The following RPGRIP1 variants were observed in gnomAD, a reference collection of about 807,000 sequenced individuals.
RPGRIP1 encodes the protein X-linked retinitis pigmentosa GTPase regulator-interacting protein 1.
Under a neutral mutation model 157.9 loss-of-function variants are expected in RPGRIP1, and 128 were observed. That is an observed-to-expected ratio of 0.81 (90% CI 0.70 to 0.94). The LOEUF (loss-of-function observed/expected upper bound fraction) is 0.94, where lower values mean the gene tolerates loss of function less well. RPGRIP1 is among the 40% of genes least tolerant of loss of function. The pLI, the probability that RPGRIP1 is intolerant of heterozygous loss-of-function variation, is 0.00. For missense variants in RPGRIP1, 1,486 were observed against 1,545.8 expected, an observed-to-expected ratio of 0.96 and a Z score of 0.65; for synonymous variants, 554 against 571.6, an observed-to-expected ratio of 0.97 and a Z score of 0.44.
At chr14:21,316,440 G>A (rs1390377442) in intron 10 of RPGRIP1, among the ~76,000 whole-genome samples, 3 of 151,816 alleles carry the variant, frequency 2.0e-5, no homozygotes, top group South Asian at 2.1e-4. Flanking sequence ...TTCTTGAGAC[G>A]GAATCTCACA....
intron 5 of RPGRIP1, 100 bp from the exon 6 acceptor site, chr14:21,303,231 G>A (rs1881115696): frequency 3.8e-6 from 3 of 788,528 alleles, no homozygotes; most frequent in East Asian, 2.7e-5. Context: ...TCCTCGACAT[G>A]TACCAAGGTT....
At chr14:21,289,190 T>C (rs1317742031) in intron 2 of RPGRIP1, among the ~76,000 whole-genome samples, 1 of 151,894 alleles carries the variant, frequency 6.6e-6, no homozygotes, top group African/African-American at 2.4e-5. Context: ...TAGCTGGGCG[T>C]TGTGGCGGGC....
rs201726404 is a variant in RPGRIP1, at chr14:21,317,814, A to G, written c.1270A>G (p.Lys424Glu). 2.2e-5 allele frequency: 35 copies of G among 1,606,538 alleles called. No homozygotes were observed. Among genetic ancestry groups the G allele is most frequent in the Non-Finnish European group, 2.7e-5 (32 of 1,176,562 alleles). Residue 424 changes from lysine (K) to glutamate (E), a missense_variant, in exon 11 of 25, where the codon AAG becomes GAG. Physicochemically the swap from Lys to Glu is moderately conservative, Grantham distance 56. Coordinates refer to ENST00000400017, the MANE Select transcript of RPGRIP1 (RefSeq NM_020366.4). ...QDQLDAELED[K>E]RKVLLELSRE... is the part of the protein sequence containing the mutation. The stretch of plus-strand genomic sequence containing the variant: ...TCAGCTGGATGCTGAGCTGGAGGAC[A>G]AGAGAAAAGTTTTACTTGAGCTGTC...
chr14:21,288,140 G>C (rs534214133), intron 2 of RPGRIP1, 79 bp downstream of exon 2: 1 of 901,338 alleles, frequency 1.1e-6, no homozygotes, highest in South Asian at 1.4e-5. Flanking sequence ...GGCCTTCACA[G>C]AGACTGATTT....
rs145055116 is a variant in RPGRIP1 at position 21,321,930 on chromosome 14, G to A, written c.1688G>A (p.Arg563Gln). ...DHKEKLERLT[R>Q]LLDLKNNRIK... ...AAAGAAAAGCTGGAGAGGTTGACTC[G>A]ACTACTAGACCTCAAGAATAACCGT... Residue 563 changes from arginine to glutamine, a missense_variant, in exon 14 of 25, where the codon CGA becomes CAA. Arg to Gln is a conservative substitution (Grantham distance 43, BLOSUM62 1). Transcript: ENST00000400017. The A allele has an allele frequency of 5.0e-5, 80 of 1,613,536 alleles. No homozygotes were observed. Among genetic ancestry groups the A allele is most frequent in the Non-Finnish European group, 6.4e-5 (76 of 1,179,606 alleles).
chr14:21,315,016 T>G (rs1467884679), intron 10 of RPGRIP1, among the ~76,000 whole-genome samples: 2 of 151,370 alleles, frequency 1.3e-5, no homozygotes, highest in African/African-American at 4.9e-5. Flanking sequence ...AGAGCAAGAC[T>G]CTGTCTCAAA....
At position 21,334,047 on chromosome 14, in the gene RPGRIP1, C is replaced by T. The variant is rs575336733; in HGVS notation, c.3239-558C>T. Among the ~76,000 whole-genome samples the T allele has an allele frequency of 4.6e-5, 7 of 151,894 alleles. No homozygotes were observed. In the South Asian group the frequency reaches 6.3e-4, roughly 14 times the overall value. On this transcript the variant is annotated intron_variant, in intron 20 of 24. Coordinates refer to ENST00000400017, the MANE Select transcript of RPGRIP1 (RefSeq NM_020366.4). ...AAGCAACTCTCCTGCCTCAGCCTCC[C>T]GAGTGGCTGGGACCACAGGAGTGTG...
intron 3 of RPGRIP1, among the ~76,000 whole-genome samples, chr14:21,296,996 G>T (rs1880811594): frequency 6.6e-6 from 1 of 151,800 alleles, no homozygotes. Context: ...AGTCTGAAGA[G>T]GTATTATTAA....
chr14:21,330,768 T>G (rs1448264986), intron 20 of RPGRIP1, among the ~76,000 whole-genome samples: 1 of 152,224 alleles, frequency 6.6e-6, no homozygotes, highest in Non-Finnish European at 1.5e-5. Flanking sequence ...TGCTAAAGTT[T>G]TCATGGAAAA....
intron 6 of RPGRIP1, among the ~76,000 whole-genome samples, chr14:21,305,462 T>C (rs1407626006): frequency 6.6e-6 from 1 of 152,240 alleles, no homozygotes; most frequent in African/African-American, 2.4e-5. Flanking sequence ...TACCGAAAGA[T>C]GTCTTAGTTG....
intron 2 of RPGRIP1, 105 bp downstream of exon 2, chr14:21,288,166 CT>C: frequency 1.5e-6 from 1 of 674,172 alleles, no homozygotes; most frequent in South Asian, 1.7e-5. Flanking sequence ...CAGCTCTTTT[CT>C]TCAGTCTTCT....
At chr14:21,335,331 T>C (rs1244640134) in intron 21 of RPGRIP1, among the ~76,000 whole-genome samples, 1 of 152,102 alleles carries the variant, frequency 6.6e-6, no homozygotes, top group African/African-American at 2.4e-5. Context: ...GCCTGAATGG[T>C]ACCCCTGCCT....
At chr14:21,345,766 A>G (rs1316620303) in intron 23 of RPGRIP1, among the ~76,000 whole-genome samples, 1 of 151,746 alleles carries the variant, frequency 6.6e-6, no homozygotes, top group East Asian at 2.0e-4. Context: ...CTTTTTTTGT[A>G]GCAGCAGTTT....
rs763671264 is a variant in RPGRIP1, at chr14:21,320,071, AG to A, written c.1363del (p.Glu455LysfsTer2). On this transcript the variant is annotated frameshift_variant, in exon 12 of 25. Coordinates refer to ENST00000400017, the MANE Select transcript of RPGRIP1 (RefSeq NM_020366.4). LOFTEE classifies it high-confidence loss of function. The stretch of plus-strand genomic sequence containing the variant: ...ACCAACATACTTCAGAAGCATAAAC[AG>A]GAAGTAGAGCTCCTCCAAAATGCAG... ...EVTNILQKHK[Q>X]EVELLQNAAT... 2.5e-6 allele frequency: 4 copies of A among 1,613,646 alleles called. No homozygotes were observed. The Admixed American group carries it at 6.7e-5, about 27-fold the overall frequency.
chr14:21,297,841 C>CTTTCTTTCTTTCTTTA (rs1880853115), intron 3 of RPGRIP1, among the ~76,000 whole-genome samples: 1 of 145,720 alleles, frequency 6.9e-6, no homozygotes, highest in South Asian at 2.2e-4. Context: ...ATTATTCTTT[C>CTTTCTTTCTTTCTTTA]TTTCTTTCTT....
chr14:21,334,976 G>T (rs550497766), intron 21 of RPGRIP1, among the ~76,000 whole-genome samples: 2 of 148,194 alleles, frequency 1.3e-5, no homozygotes, highest in Non-Finnish European at 3.0e-5. Context: ...AACCCGGGAG[G>T]CAGAGGTTGC....
chr14:21,293,005 G>A (rs1249717823), intron 2 of RPGRIP1, among the ~76,000 whole-genome samples: 1 of 151,906 alleles, frequency 6.6e-6, no homozygotes, highest in Non-Finnish European at 1.5e-5. Flanking sequence ...AATTAGCCAG[G>A]TGTGGTGGCA....
At chr14:21,327,081 A>G (rs187335434) in intron 17 of RPGRIP1, among the ~76,000 whole-genome samples, 1 of 152,210 alleles carries the variant, frequency 6.6e-6, no homozygotes. Flanking sequence ...GCTCCAGGAC[A>G]TGTATGCAGC....
chr14:21,296,221 C>A (rs1594168641), intron 3 of RPGRIP1, among the ~76,000 whole-genome samples: 1 of 152,108 alleles, frequency 6.6e-6, no homozygotes, highest in South Asian at 2.1e-4. Context: ...CCTGCCTCAG[C>A]CTCCCGAGTA....
Sources: allele counts gnomAD v4.1 joint callset (sites outside exome capture counted in the v4.1 genomes callset), GRCh38; gene constraint gnomAD v4.1.1; transcripts MANE v1.5; gene names NCBI Gene and HGNC (gene_info 2026-07-23, HGNC 2026-07-21).